Variants in CRACD observed in about 807,000 individuals in gnomAD.
The protein encoded by CRACD is capping protein-inhibiting regulator of actin dynamics.
A neutral mutation model predicts 106.8 loss-of-function variants in CRACD; 56 were observed. That is an observed-to-expected ratio of 0.52 (90% CI 0.42 to 0.66). CRACD has a LOEUF of 0.66. Ranked by LOEUF, CRACD falls within the 30% of genes least tolerant of loss-of-function variation. CRACD has a pLI of 0.00. For synonymous variants in CRACD, 754 were observed against 670.8 expected (o/e 1.12, Z -1.92); for missense variants, 1,730 against 1,623.2 (o/e 1.07, Z -1.13).
chr4:56,088,690 A>G (rs1577955104), intron 1 of CRACD, among the ~76,000 whole-genome samples: 2 of 151,884 alleles, frequency 1.3e-5, no homozygotes, highest in Non-Finnish European at 2.9e-5. Flanking sequence ...GCACACTACT[A>G]CTAATAATTG....
intron 1 of CRACD, among the ~76,000 whole-genome samples, chr4:56,054,104 T>C (rs1265493522): frequency 6.6e-6 from 1 of 152,168 alleles, no homozygotes; most frequent in African/African-American, 2.4e-5. Flanking sequence ...TGGGTGGTCA[T>C]TGTAATTTGT....
chr4:56,326,805 T>C (rs1375958250), intron 10 of CRACD, among the ~76,000 whole-genome samples: 2 of 151,366 alleles, frequency 1.3e-5, no homozygotes, highest in East Asian at 3.9e-4. Context: ...AGTGGTGCGA[T>C]GTCGATTCAC....
intron 2 of CRACD, among the ~76,000 whole-genome samples, chr4:56,222,150 C>A (rs1370437849): frequency 6.6e-6 from 1 of 152,174 alleles, no homozygotes; most frequent in Non-Finnish European, 1.5e-5. Flanking sequence ...GAGTTCCCAT[C>A]AACCAATGAA....
chr4:56,095,724 A>G (rs1733578757), intron 1 of CRACD, among the ~76,000 whole-genome samples: 1 of 152,104 alleles, frequency 6.6e-6, no homozygotes, highest in African/African-American at 2.4e-5. Flanking sequence ...AGAGAGATGG[A>G]AAGTCACTGG....
rs1304183011 is a variant in CRACD at position 56,304,274 on chromosome 4, GCTTTGCACCAGGCACCTT to G, written c.121-3256_121-3239del. On this transcript the variant is annotated intron_variant, in intron 4 of 10. Coordinates refer to ENST00000682029, the MANE Select transcript of CRACD (RefSeq NM_001393381.1). The stretch of plus-strand genomic sequence containing the variant: ...CTAACATTACTCTTTTCATTTCTCT[GCTTTGCACCAGGCACCTT>G]CTTTTTCCTGTTCTTATTCCTTTTT... Among the ~76,000 whole-genome samples, 5 of 147,708 alleles carry G rather than the reference GCTTTGCACCAGGCACCTT, an allele frequency of 3.4e-5. No individual in the cohort carries two copies. In the East Asian group the frequency reaches 7.9e-4, roughly 23 times the overall value.
At chr4:56,232,719 T>TATTTATTTATTTATTC (rs1325358777) in intron 2 of CRACD, among the ~76,000 whole-genome samples, 18 of 150,078 alleles carry the variant, frequency 1.2e-4, no homozygotes, top group African/African-American at 3.9e-4. Context: ...TTTATTTATT[T>TATTTATTTATTTATTC]ATTTATTTAT....
At chr4:56,261,027 C>T (rs1741671356) in intron 2 of CRACD, among the ~76,000 whole-genome samples, 1 of 152,172 alleles carries the variant, frequency 6.6e-6, no homozygotes, top group Admixed American at 6.5e-5. Flanking sequence ...CAGCAGGGTC[C>T]AGCACTGATC....
At chr4:56,191,544 G>T (rs780365924) in intron 2 of CRACD, among the ~76,000 whole-genome samples, 1 of 152,100 alleles carries the variant, frequency 6.6e-6, no homozygotes, top group African/African-American at 2.4e-5. Flanking sequence ...GATAATCCAG[G>T]CTCATCTTCC....
chr4:56,126,246 A>G lies in CRACD; in HGVS notation c.-335-53038A>G, dbSNP rs949916396. Reference sequence around the variant, plus strand: ...TCCTGCCCCACACCAAAACTCAGCCATATCTTTAAGGATTTCCACCTTTTA... The same window carrying G: ...TCCTGCCCCACACCAAAACTCAGCCGTATCTTTAAGGATTTCCACCTTTTA... On this transcript the variant is annotated intron_variant, in intron 1 of 10. Coordinates refer to ENST00000682029, the MANE Select transcript of CRACD (RefSeq NM_001393381.1). Among the ~76,000 whole-genome samples, 6 of 152,130 alleles carry G rather than the reference A, an allele frequency of 3.9e-5. 1 individual carries two copies. Among genetic ancestry groups the G allele is most frequent in the African/African-American group, 1.4e-4 (6 of 41,436 alleles).
At chr4:56,129,043 C>CT (rs33948413) in intron 1 of CRACD, among the ~76,000 whole-genome samples, 103,448 of 151,846 alleles carry the variant, frequency 0.68, 36,201 homozygotes, top group African/African-American at 0.84. Flanking sequence ...TTTATAAAAC[C>CT]TTTTGTTTTT....
intron 1 of CRACD, among the ~76,000 whole-genome samples, chr4:56,056,914 C>A (rs1577934311): frequency 6.6e-6 from 1 of 152,086 alleles, no homozygotes; most frequent in South Asian, 2.1e-4. Flanking sequence ...TTTCTATTTT[C>A]TTCTTTTAAA....
At chr4:56,141,985 C>T (rs1735218184) in intron 1 of CRACD, among the ~76,000 whole-genome samples, 1 of 152,102 alleles carries the variant, frequency 6.6e-6, no homozygotes, top group Non-Finnish European at 1.5e-5. Context: ...TGAGCCACTG[C>T]ACCCAACCGA....
At chr4:56,250,735 A>G (rs1396432781) in intron 2 of CRACD, among the ~76,000 whole-genome samples, 2 of 152,218 alleles carry the variant, frequency 1.3e-5, no homozygotes, top group African/African-American at 2.4e-5. Context: ...TTCTATCTGT[A>G]AAACGTGGAA....
At chr4:56,137,372 G>A (rs572140119) in intron 1 of CRACD, among the ~76,000 whole-genome samples, 1 of 152,230 alleles carries the variant, frequency 6.6e-6, no homozygotes, top group Admixed American at 6.5e-5. Flanking sequence ...TTGTTATGCG[G>A]CTCATGAGTA....
intron 2 of CRACD, among the ~76,000 whole-genome samples, chr4:56,257,771 A>G (rs532473500): frequency 2.0e-5 from 3 of 152,134 alleles, no homozygotes; most frequent in East Asian, 1.9e-4. Context: ...GTACCTTTTT[A>G]AGTCTGATAA....
chr4:56,140,091 A>G (rs376068967), intron 1 of CRACD, among the ~76,000 whole-genome samples: 5 of 152,304 alleles, frequency 3.3e-5, no homozygotes, highest in African/African-American at 1.2e-4. Flanking sequence ...GGACACAGTC[A>G]ATTTTCTTCT....
chr4:56,085,048 T>C (rs1396752995), intron 1 of CRACD, among the ~76,000 whole-genome samples: 2 of 152,194 alleles, frequency 1.3e-5, no homozygotes, highest in Non-Finnish European at 2.9e-5. Flanking sequence ...TTTGCTTTTA[T>C]GTGTGTGATT....
intron 1 of CRACD, among the ~76,000 whole-genome samples, chr4:56,114,706 A>T (rs879589916): frequency 1.1e-4 from 16 of 152,156 alleles, no homozygotes; most frequent in Admixed American, 1.0e-3. Flanking sequence ...AATAAAGTAA[A>T]ATAGAAAAGA....
chr4:56,300,995 G>A lies in CRACD; in HGVS notation c.120+2646G>A, dbSNP rs74956855. On this transcript the variant is annotated intron_variant, in intron 4 of 10. Transcript: ENST00000682029. ...CAGAATAACTGTTTAATTTGTGTGC[G>A]CTCATTTTGACAATATCTATTCAGA... is the stretch of plus-strand genomic sequence containing the variant. Among the ~76,000 whole-genome samples the A allele has an allele frequency of 1.6e-3, 243 of 152,300 alleles. 11 individuals are homozygous for A. In the East Asian group the frequency reaches 0.038, roughly 24 times the overall value.
Sources: gnomAD v4.1 joint callset for allele counts (sites outside exome capture counted in the v4.1 genomes callset) on GRCh38, gnomAD v4.1.1 for gene constraint, MANE v1.5 for transcripts, NCBI Gene and HGNC (gene_info 2026-07-23, HGNC 2026-07-21) for gene names.